NTS: variants seen among roughly 807,000 people sequenced by gnomAD.
NTS encodes the protein neurotensin/neuromedin N.
In NTS, 20 loss-of-function variants were observed where a neutral mutation model predicts 19.5. The ratio of observed to expected loss-of-function variants is 1.02; its 90% CI spans 0.72 to 1.49. NTS has a LOEUF of 1.49. NTS is among the 40% of genes most tolerant of loss of function. The pLI, the probability that NTS is intolerant of heterozygous loss-of-function variation, is 0.00. For synonymous variants in NTS, 71 were observed against 63.3 expected (o/e 1.12, Z -0.58); for missense variants, 215 against 193.1 (o/e 1.11, Z -0.67).
intron 2 of NTS, 184 bp from the exon 3 acceptor site, chr12:85,878,161 C>T (rs1334931210): frequency 2.1e-6 from 1 of 479,998 alleles, no homozygotes; most frequent in Non-Finnish European, 3.7e-6. Context: ...TTTTATTAAA[C>T]AGAAGTTATG....
intron 3 of NTS, among the ~76,000 whole-genome samples, chr12:85,880,273 T>C (rs959873871): frequency 2.0e-5 from 3 of 152,040 alleles, no homozygotes; most frequent in East Asian, 3.9e-4. Context: ...ATTACAGCTT[T>C]GGAAAGATAT....
At chr12:85,881,872 G>A (rs913455970) in intron 3 of NTS, among the ~76,000 whole-genome samples, 1 of 151,942 alleles carries the variant, frequency 6.6e-6, no homozygotes, top group Admixed American at 6.6e-5. Flanking sequence ...ATAAATTGAA[G>A]CCTGAAAAGT....
chr12:85,876,137 A>C (rs2136589385), intron 1 of NTS, among the ~76,000 whole-genome samples: 1 of 152,038 alleles, frequency 6.6e-6, no homozygotes, highest in East Asian at 1.9e-4. Flanking sequence ...TGTTTTGTAA[A>C]AAACATCTCA....
Position 85,879,222 on chromosome 12 carries a change from T to TTTTATGTATATTTTATGTACGTAAA in NTS, c.360+653_360+654insTTTATGTATATTTTATGTACGTAAA, listed in dbSNP as rs1565770692. On this transcript the variant is annotated intron_variant, in intron 3 of 3. Transcript: ENST00000256010. ...TTTTATGTACGTAAAATATATTATA[T>TTTTATGTATATTTTATGTACGTAAA]ATATATTTTATGTATGTAAAATATA... 4.5e-5 allele frequency among the ~76,000 whole-genome samples: 4 copies of TTTTATGTATATTTTATGTACGTAAA among 88,110 alleles called. 2 individuals carry two copies. The highest frequency in any genetic ancestry group is 7.4e-4 in the South Asian group (2 of 2,692). The allele number at this position is 88,110 out of a possible 152,430, so 57.8% of individuals were successfully genotyped here.
chr12:85,880,982 G>A (rs1236713204), intron 3 of NTS, among the ~76,000 whole-genome samples: 1 of 150,412 alleles, frequency 6.6e-6, no homozygotes, highest in East Asian at 1.9e-4. Flanking sequence ...TAAGGTCAAA[G>A]AAACTTGAAA....
At chr12:85,878,609 CTAGT>C (rs1472272013) in intron 3 of NTS, 40 bp downstream of exon 3, 13 of 1,123,322 alleles carry the variant, frequency 1.2e-5, no homozygotes, top group Non-Finnish European at 1.4e-5. Flanking sequence ...TATAGTTACA[CTAGT>C]TAGCTCTCAT....
rs12311338 is a variant in NTS at position 85,879,310 on chromosome 12, A to G, written c.360+741A>G. ...TATATTTTATGTATATTTTATGTAT[A>G]TAAAATATATTTAATGTATATTTTA... On this transcript the variant is annotated intron_variant, in intron 3 of 3. Transcript: ENST00000256010. Among the ~76,000 whole-genome samples the G allele has an allele frequency of 2.1e-3, 147 of 70,856 alleles. 58 individuals are homozygous for G. The highest frequency in any genetic ancestry group is 0.045 in the Middle Eastern group (2 of 44). The allele number at this position is 70,856 out of a possible 152,430, so 46.5% of individuals were successfully genotyped here.
At position 85,882,431 on chromosome 12, in the gene NTS, T is replaced by C. The variant is rs929172634; in HGVS notation, c.*56T>C. On this transcript the variant is annotated 3_prime_UTR_variant, in exon 4 of 4. Transcript: ENST00000256010. ...TGATTCATCATCCCTTAATTAAATA[T>C]CAAATTATATTTGTGTGAAAATGTG... 18 of 1,282,632 alleles carry C rather than the reference T, an allele frequency of 1.4e-5. No individual in the cohort carries two copies. Among genetic ancestry groups the C allele is most frequent in the Non-Finnish European group, 1.8e-5 (17 of 932,572 alleles). The allele number at this position is 1,282,632 out of a possible 1,614,324, so 79.5% of individuals were successfully genotyped here. A position where few individuals can be genotyped will look rare whatever the true frequency, so the allele number is the denominator to read the frequency against.
chr12:85,878,465 A>T lies in NTS; in HGVS notation c.256A>T (p.Arg86Ter). The change falls in exon 3 of 4, where the codon AGA becomes TGA. Residue 86 changes from arginine (R) to a stop codon, truncating the protein, a stop_gained. Coordinates refer to ENST00000256010, the MANE Select transcript of NTS (RefSeq NM_006183.5). LOFTEE classifies it high-confidence loss of function. ...AGTTCATGAAGAGGAGCTTGTTGCA[A>T]GAAGGAAACTTCCTACTGCTTTAGA... is the stretch of plus-strand genomic sequence containing the variant. ...GEVHEEELVARRKLPTALDGF... is the reference protein window; with the variant it reads ...GEVHEEELVA 6.2e-7 allele frequency: 1 copy of T among 1,613,964 alleles called. No homozygotes were observed. The highest frequency in any genetic ancestry group is 1.3e-5 in the African/African-American group (1 of 75,054).
chr12:85,882,606 C>G lies in NTS; in HGVS notation c.*231C>G. On this transcript the variant is annotated 3_prime_UTR_variant, in exon 4 of 4. Transcript: ENST00000256010. The stretch of plus-strand genomic sequence containing the variant: ...ATTGGAGTAGATATTAATTAAGTCA[C>G]CTGTATAATGTTTTGTAATTTTGCA... The G allele has an allele frequency of 2.7e-6, 1 of 375,384 alleles. No individual in the cohort carries two copies. The highest frequency in any genetic ancestry group is 4.7e-6 in the Non-Finnish European group (1 of 211,062). 23.3% of individuals were successfully genotyped at this position (375,384 alleles called of 1,614,324 possible). A position where few individuals can be genotyped will look rare whatever the true frequency, so the allele number is the denominator to read the frequency against.
In NTS at chr12:85,874,310, T is replaced by C; in HGVS notation, c.-94T>C. 1 of 865,748 alleles carries C rather than the reference T, an allele frequency of 1.2e-6. No homozygotes were observed. Among genetic ancestry groups the C allele is most frequent in the Non-Finnish European group, 2.0e-6 (1 of 508,306 alleles). The allele number at this position is 865,748 out of a possible 1,614,324, so 53.6% of individuals were successfully genotyped here. ...AGCACCTCTCATAGTTCACTCACTT[T>C]CAAAGCCAGCTGAAGGAAAGAGGAA... On this transcript the variant is annotated 5_prime_UTR_variant, in exon 1 of 4. Coordinates refer to ENST00000256010, the MANE Select transcript of NTS (RefSeq NM_006183.5).
rs372591065 is a variant in NTS at position 85,880,809 on chromosome 12, G to T, written c.361-1414G>T. Among the ~76,000 whole-genome samples, 27 of 152,136 alleles carry T rather than the reference G, an allele frequency of 1.8e-4. No individual in the cohort carries two copies. In the East Asian group the frequency reaches 1.9e-3, roughly 11 times the overall value. The stretch of plus-strand genomic sequence containing the variant: ...CTACTAAAAATACAAAAAATTAGCC[G>T]GGCGTAGTGGCCGGCGCCTGTAGTC... On this transcript the variant is annotated intron_variant, in intron 3 of 3. Coordinates refer to ENST00000256010, the MANE Select transcript of NTS (RefSeq NM_006183.5).
At chr12:85,880,727 C>T (rs925272023) in intron 3 of NTS, among the ~76,000 whole-genome samples, 1 of 152,092 alleles carries the variant, frequency 6.6e-6, no homozygotes, top group African/African-American at 2.4e-5. Context: ...CCGAGACGGG[C>T]GGATCACGAG....
At chr12:85,877,076 A>G (rs1333061650) in intron 2 of NTS, among the ~76,000 whole-genome samples, 5 of 152,106 alleles carry the variant, frequency 3.3e-5, no homozygotes, top group Non-Finnish European at 7.4e-5. Context: ...ATTGGGGGAA[A>G]TAAAAAGGTG....
At chr12:85,874,750 C>G (rs1338385596) in intron 1 of NTS, among the ~76,000 whole-genome samples, 1 of 152,080 alleles carries the variant, frequency 6.6e-6, no homozygotes, top group African/African-American at 2.4e-5. Context: ...GAAAAAAACC[C>G]TACAAAACTT....
chr12:85,879,372 ATAAAATATAT>A (rs1233267419), intron 3 of NTS, among the ~76,000 whole-genome samples: 12 of 290 alleles, frequency 0.041, 5 homozygotes, highest in Non-Finnish European at 0.17. Flanking sequence ...TTTTATGTAT[ATAAAATATAT>A]TTTTATGTAT....
chr12:85,874,737 A>AG (rs1397052990), intron 1 of NTS, among the ~76,000 whole-genome samples: 1 of 152,188 alleles, frequency 6.6e-6, no homozygotes, highest in East Asian at 1.9e-4. Flanking sequence ...CAACAACTAG[A>AG]GGGAAAAAAA....
Position 85,874,483 on chromosome 12 carries a change from A to G in NTS, c.73+7A>G. ...TCCTGGAGTCTGTGCTCAGGTAAGC[A>G]AAACAGAATTTCACAACTCCCTGAA... On this transcript the variant is annotated splice_region_variant and intron_variant, in intron 1 of 3. Transcript: ENST00000256010. The G allele has an allele frequency of 6.2e-7, 1 of 1,602,614 alleles. No individual in the cohort carries two copies. Among genetic ancestry groups the G allele is most frequent in the Non-Finnish European group, 8.5e-7 (1 of 1,169,638 alleles).
intron 1 of NTS, among the ~76,000 whole-genome samples, 197 bp downstream of exon 1, chr12:85,874,673 T>C (rs1881298556): frequency 6.6e-6 from 1 of 152,172 alleles, no homozygotes; most frequent in Non-Finnish European, 1.5e-5. Context: ...TTTTAAAATC[T>C]GCAAAGCAAT....
Sources: allele counts gnomAD v4.1 joint callset (sites outside exome capture counted in the v4.1 genomes callset), GRCh38; gene constraint gnomAD v4.1.1; transcripts MANE v1.5; gene names NCBI Gene and HGNC (gene_info 2026-07-23, HGNC 2026-07-21).